The following PCMTD2 variants were observed in gnomAD, a reference collection of about 807,000 sequenced individuals.
The protein encoded by PCMTD2 is protein-L-isoaspartate O-methyltransferase domain-containing protein 2.
PCMTD2 carries 16 observed loss-of-function variants against 33.4 expected under a neutral mutation model. The ratio of observed to expected loss-of-function variants is 0.48; its 90% CI spans 0.32 to 0.73. The LOEUF (loss-of-function observed/expected upper bound fraction) is 0.73. PCMTD2 is among the 30% of genes least tolerant of loss of function. The pLI, the probability that PCMTD2 is intolerant of heterozygous loss-of-function variation, is 0.03. For synonymous variants in PCMTD2, 161 were observed against 160.8 expected, an observed-to-expected ratio of 1.00 and a Z score of -0.01; for missense variants, 374 against 449.9, an observed-to-expected ratio of 0.83 and a Z score of 1.53.
At chr20:64,266,361 G>A (rs1209877199) in intron 4 of PCMTD2, among the ~76,000 whole-genome samples, 2 of 152,126 alleles carry the variant, frequency 1.3e-5, no homozygotes, top group Admixed American at 1.3e-4. Context: ...GGGTTCAAGC[G>A]ATTCTTCTGC....
chr20:64,268,114 C>T, intron 5 of PCMTD2, 104 bp downstream of exon 5: 3 of 639,082 alleles, frequency 4.7e-6, no homozygotes, highest in East Asian at 2.6e-5. Flanking sequence ...TATTAAAAAG[C>T]ACCACTCCCA....
rs139610148 is a variant in PCMTD2 at position 64,274,431 on chromosome 20, C to T, written c.*831C>T. The T allele has an allele frequency of 2.5e-3, 385 of 151,904 alleles. 2 individuals are homozygous for T. Among genetic ancestry groups the T allele is most frequent in the African/African-American group, 9.0e-3 (374 of 41,382 alleles). 9.4% of individuals were successfully genotyped at this position (151,904 alleles called of 1,614,324 possible). ...TAAGCAATAAGTGAAGTTACATTTGCCCTAACCCTAGGGATGATTCTTTAC... is the reference window on the plus strand; with the variant it reads ...TAAGCAATAAGTGAAGTTACATTTGTCCTAACCCTAGGGATGATTCTTTAC... On this transcript the variant is annotated 3_prime_UTR_variant, in exon 6 of 6. Transcript: ENST00000308824.
intron 2 of PCMTD2, among the ~76,000 whole-genome samples, chr20:64,262,186 G>C (rs1985448406): frequency 6.6e-6 from 1 of 151,880 alleles, no homozygotes; most frequent in Admixed American, 6.6e-5. Context: ...CCTGGGAGGC[G>C]AAGGTTACAG....
intron 4 of PCMTD2, among the ~76,000 whole-genome samples, chr20:64,267,235 T>C (rs12625099): frequency 0.053 from 8,077 of 152,258 alleles, 333 homozygotes; most frequent in East Asian, 0.17. Flanking sequence ...TCAAAAGAAA[T>C]GTTTTGATGG....
At chr20:64,256,286 C>T (rs773613207) in intron 1 of PCMTD2, among the ~76,000 whole-genome samples, 1 of 152,172 alleles carries the variant, frequency 6.6e-6, no homozygotes, top group Admixed American at 6.5e-5. Flanking sequence ...TGCGCCCCCC[C>T]GCCCCGTGCC....
In PCMTD2 at chr20:64,273,720, C is replaced by A; in HGVS notation, c.*120C>A. On this transcript the variant is annotated 3_prime_UTR_variant, in exon 6 of 6. Coordinates refer to ENST00000308824, the MANE Select transcript of PCMTD2 (RefSeq NM_018257.3). ...CGTTGTGGGGAAGGGAACTGCTGGGCTCATCCACACCATGGTTTTCTTCTA... is the reference window on the plus strand; with the variant it reads ...CGTTGTGGGGAAGGGAACTGCTGGGATCATCCACACCATGGTTTTCTTCTA... 1 of 730,546 alleles carries A rather than the reference C, an allele frequency of 1.4e-6. No homozygotes were observed. Among genetic ancestry groups the A allele is most frequent in the Non-Finnish European group, 2.2e-6 (1 of 463,724 alleles). 45.3% of individuals were successfully genotyped at this position (730,546 alleles called of 1,614,324 possible). A position where few individuals can be genotyped will look rare whatever the true frequency, so the allele number is the denominator to read the frequency against.
intron 4 of PCMTD2, among the ~76,000 whole-genome samples, chr20:64,266,950 T>G (rs1011339004): frequency 1.2e-4 from 18 of 152,240 alleles, no homozygotes; most frequent in African/African-American, 3.6e-4. Flanking sequence ...AATAAACATA[T>G]GTTTTGCTGG....
In PCMTD2 at chr20:64,260,001, T is replaced by C; in HGVS notation, c.36T>C (p.Asp12=). Residue 12 remains aspartate, a synonymous_variant, in exon 2 of 6, where the codon GAT becomes GAC. Coordinates refer to ENST00000308824, the MANE Select transcript of PCMTD2 (RefSeq NM_018257.3). ...CTGTGAGTGCTGGTGAAGACAATGA[T>C]GAGCTGATAGATAATTTGAAAGAAG... ...GGAVSAGEDN[D]ELIDNLKEAQ... The C allele has an allele frequency of 6.2e-7, 1 of 1,613,206 alleles. No homozygotes were observed. Among genetic ancestry groups the C allele is most frequent in the Non-Finnish European group, 8.5e-7 (1 of 1,179,140 alleles).
rs747783058 is a variant in PCMTD2, at chr20:64,267,989, A to G, written c.685A>G (p.Lys229Glu). ...CCAGCCCTGCCATTCAGAGTCAGGAAAATCAAGACTTGTCCAGTTACGTAA... is the reference window on the plus strand; with the variant it reads ...CCAGCCCTGCCATTCAGAGTCAGGAGAATCAAGACTTGTCCAGTTACGTAA... ...LIQPCHSESG[K>E]SRLVQLPPVA... Residue 229 changes from lysine (K) to glutamate (E), a missense_variant, in exon 5 of 6, where the codon AAA becomes GAA. Coordinates refer to ENST00000308824, the MANE Select transcript of PCMTD2 (RefSeq NM_018257.3). 3 of 1,613,028 alleles carry G rather than the reference A, an allele frequency of 1.9e-6. No homozygotes were observed. The highest frequency in any genetic ancestry group is 1.7e-5 in the Admixed American group (1 of 59,954).
At position 64,267,864 on chromosome 20, in the gene PCMTD2, TTCTCATTTTG is replaced by T. The variant is rs1405910582; in HGVS notation, c.583-18_583-9del. Reference sequence around the variant, plus strand: ...AAATAGTAGCCAATTCTTTTGAATATTCTCATTTTGTCTCTGGGATAGTTGACTAAGATAA... The same window carrying T: ...AAATAGTAGCCAATTCTTTTGAATATTCTCTGGGATAGTTGACTAAGATAA... On this transcript the variant is annotated splice_polypyrimidine_tract_variant and intron_variant, in intron 4 of 5. Coordinates refer to ENST00000308824, the MANE Select transcript of PCMTD2 (RefSeq NM_018257.3). The T allele has an allele frequency of 6.2e-7, 1 of 1,607,372 alleles. No homozygotes were observed. The highest frequency in any genetic ancestry group is 1.7e-5 in the Admixed American group (1 of 59,398).
chr20:64,258,366 C>T (rs868536953), intron 1 of PCMTD2, among the ~76,000 whole-genome samples: 1 of 151,914 alleles, frequency 6.6e-6, no homozygotes, highest in Non-Finnish European at 1.5e-5. Flanking sequence ...ACAAGGGCTC[C>T]GAAACAATTC....
chr20:64,256,387 T>C (rs562055050), intron 1 of PCMTD2, among the ~76,000 whole-genome samples: 1 of 152,320 alleles, frequency 6.6e-6, no homozygotes, highest in East Asian at 1.9e-4. Flanking sequence ...AGAACTTGCC[T>C]GAGCTTCGGG....
chr20:64,264,760 G>A (rs1194486363), intron 3 of PCMTD2, among the ~76,000 whole-genome samples: 1 of 152,188 alleles, frequency 6.6e-6, no homozygotes, highest in African/African-American at 2.4e-5. Context: ...CATGTTTCCT[G>A]TTGAAGACAA....
intron 2 of PCMTD2, chr20:64,263,098 G>A (rs1344915773): frequency 4.6e-5 from 7 of 152,326 alleles, no homozygotes; most frequent in Middle Eastern, 3.4e-3. Context: ...TTAAGTGTTT[G>A]ATAGTGAAGG....
chr20:64,262,383 T>A (rs775587828), intron 2 of PCMTD2: 5 of 152,222 alleles, frequency 3.3e-5, no homozygotes, highest in African/African-American at 4.8e-5. Context: ...ACTGGAAATT[T>A]CATTGGATTT....
Position 64,265,369 on chromosome 20 carries a change from A to G in PCMTD2, c.522A>G (p.Glu174=), listed in dbSNP as rs757091095. 1 of 1,613,786 alleles carries G rather than the reference A, an allele frequency of 6.2e-7. No homozygotes were observed. The highest frequency in any genetic ancestry group is 8.5e-7 in the Non-Finnish European group (1 of 1,179,882). Residue 174 remains glutamate (E), a synonymous_variant, in exon 4 of 6, where the codon GAA becomes GAG. Coordinates refer to ENST00000308824, the MANE Select transcript of PCMTD2 (RefSeq NM_018257.3). ...GGGCTGGCGTGCAGAAAGAGCATGA[A>G]GAGTACATGAAGAATCTTCTCAAAG... ...YCGAGVQKEH[E]EYMKNLLKVG...
At chr20:64,261,742 C>T (rs1985425498) in intron 2 of PCMTD2, among the ~76,000 whole-genome samples, 1 of 152,094 alleles carries the variant, frequency 6.6e-6, no homozygotes, top group African/African-American at 2.4e-5. Context: ...AACTTCTCTT[C>T]AATTGAGACT....
chr20:64,270,795 A>G, intron 5 of PCMTD2, among the ~76,000 whole-genome samples: 1 of 122,618 alleles, frequency 8.2e-6, no homozygotes, highest in Non-Finnish European at 1.7e-5. Flanking sequence ...CCTTCTGAGG[A>G]AGGGCACGTG....
At chr20:64,272,649 G>A (rs752415409) in intron 5 of PCMTD2, among the ~76,000 whole-genome samples, 6 of 152,128 alleles carry the variant, frequency 3.9e-5, no homozygotes, top group African/African-American at 4.8e-5. Context: ...TTGAAACCCC[G>A]TCTCTACTAA....
Sources: gnomAD v4.1 joint callset for allele counts (sites outside exome capture counted in the v4.1 genomes callset) on GRCh38, gnomAD v4.1.1 for gene constraint, MANE v1.5 for transcripts, NCBI Gene and HGNC (gene_info 2026-07-23, HGNC 2026-07-21) for gene names.